FBXO25: variants seen among roughly 807,000 people sequenced by gnomAD.
The protein encoded by FBXO25 is F-box only protein 25.
In FBXO25, 45 loss-of-function variants were observed where a neutral mutation model predicts 51.9. The ratio of observed to expected loss-of-function variants is 0.87; its 90% CI spans 0.68 to 1.11. The LOEUF (loss-of-function observed/expected upper bound fraction) is 1.11. Among genes scored for constraint, FBXO25 ranks in the 50% most tolerant of loss-of-function variants. FBXO25 has a pLI of 0.00. For synonymous variants in FBXO25, 199 were observed against 151.0 expected, an observed-to-expected ratio of 1.32 and a Z score of -2.33; for missense variants, 507 against 428.5, an observed-to-expected ratio of 1.18 and a Z score of -1.62.
At chr8:465,489 T>C (rs1228671930) in intron 9 of FBXO25, among the ~76,000 whole-genome samples, 14 of 152,180 alleles carry the variant, frequency 9.2e-5, no homozygotes, top group African/African-American at 3.4e-4. Context: ...AGAACAATAT[T>C]TATCAATATT....
chr8:451,524 A>C, intron 7 of FBXO25, 71 bp downstream of exon 7: 1 of 1,348,878 alleles, frequency 7.4e-7, no homozygotes, highest in African/African-American at 1.5e-5. Context: ...TTCTAAGCAT[A>C]CATGAAAGAC....
intron 9 of FBXO25, among the ~76,000 whole-genome samples, chr8:465,111 G>A (rs1302623564): frequency 1.3e-5 from 2 of 152,172 alleles, no homozygotes; most frequent in East Asian, 1.9e-4. Flanking sequence ...ACAGGCAGAT[G>A]CTTGTGGACA....
At chr8:422,798 C>T (rs1797234343) in intron 2 of FBXO25, among the ~76,000 whole-genome samples, 1 of 152,130 alleles carries the variant, frequency 6.6e-6, no homozygotes, top group Non-Finnish European at 1.5e-5. Flanking sequence ...CCTCTTAGTT[C>T]CCAAGGAGAG....
intron 7 of FBXO25, 108 bp downstream of exon 7, chr8:451,561 A>T: frequency 9.4e-7 from 1 of 1,061,624 alleles, no homozygotes; most frequent in Non-Finnish European, 1.4e-6. Context: ...AAGATTTTCT[A>T]ATGCTTTCAT....
Position 469,147 on chromosome 8 carries a change from T to C in FBXO25, c.*343T>C, listed in dbSNP as rs997927858. ...TGACACTAACGGCCAATAATATGCT[T>C]CTTAATTATCAAATTATAGTTTCCC... On this transcript the variant is annotated 3_prime_UTR_variant, in exon 10 of 10. Coordinates refer to ENST00000350302, the MANE Select transcript of FBXO25 (RefSeq NM_183420.2). 1 of 210,304 alleles carries C rather than the reference T, an allele frequency of 4.8e-6. No homozygotes were observed. Among genetic ancestry groups the C allele is most frequent in the African/African-American group, 2.3e-5 (1 of 43,634 alleles). 13.0% of individuals were successfully genotyped at this position (210,304 alleles called of 1,614,324 possible). A position where few individuals can be genotyped will look rare whatever the true frequency, so the allele number is the denominator to read the frequency against.
intron 1 of FBXO25, among the ~76,000 whole-genome samples, chr8:412,527 T>C (rs1374435302): frequency 6.6e-6 from 1 of 152,202 alleles, no homozygotes; most frequent in African/African-American, 2.4e-5. Context: ...ACAAATCTGA[T>C]TGAATCACTT....
chr8:448,675 T>C (rs977343158), intron 5 of FBXO25, among the ~76,000 whole-genome samples: 1 of 151,978 alleles, frequency 6.6e-6, no homozygotes, highest in African/African-American at 2.4e-5. Context: ...AGAGTGTGAG[T>C]GGAGGGCAGA....
chr8:442,073 T>C lies in FBXO25; in HGVS notation c.381+6366T>C, dbSNP rs186504190. On this transcript the variant is annotated intron_variant, in intron 5 of 9. Transcript: ENST00000350302. ...GGGCTGTTTTTAAAATTTCAGATCA[T>C]ATTGCTAATCAGGCTTTTGTTTGCT... 8.4e-3 allele frequency among the ~76,000 whole-genome samples: 1,277 copies of C among 152,278 alleles called. 13 individuals are homozygous for C. Among genetic ancestry groups the C allele is most frequent in the African/African-American group, 0.029 (1,212 of 41,556 alleles).
intron 2 of FBXO25, among the ~76,000 whole-genome samples, chr8:414,778 A>C (rs1253551586): frequency 6.6e-6 from 1 of 152,192 alleles, no homozygotes; most frequent in Non-Finnish European, 1.5e-5. Context: ...TTATGACAGC[A>C]ACGCTGGGTA....
rs541166014 is a variant in FBXO25, at chr8:431,828, C to T, written c.238+384C>T. On this transcript the variant is annotated intron_variant, in intron 3 of 9. Coordinates refer to ENST00000350302, the MANE Select transcript of FBXO25 (RefSeq NM_183420.2). ...TGGAGTTTAGGATGTTAGATGGCAG[C>T]AGGGGAAGGCTGGAGGTGGGACCTA... Among the ~76,000 whole-genome samples, 6 of 152,166 alleles carry T rather than the reference C, an allele frequency of 3.9e-5. No homozygotes were observed. In the East Asian group the frequency reaches 1.2e-3, roughly 30 times the overall value.
chr8:467,613 C>G, intron 9 of FBXO25: 1 of 1,134,510 alleles, frequency 8.8e-7, no homozygotes, highest in Non-Finnish European at 1.3e-6. Flanking sequence ...TAATATGAAT[C>G]AAACCTGAAT....
At position 477,743 on chromosome 8, in the gene FBXO25, C is replaced by T. The variant is rs765792603; in HGVS notation, c.*8939C>T. 1.3e-5 allele frequency: 2 copies of T among 152,262 alleles called. No individual in the cohort carries two copies. The highest frequency in any genetic ancestry group is 2.9e-5 in the Non-Finnish European group (2 of 68,042). 9.4% of individuals were successfully genotyped at this position (152,262 alleles called of 1,614,324 possible). ...ACGCACCAGTGCATGTGGCTGTGTTCCAAACTTTTTGGACAATAAAATCTG... is the reference window on the plus strand; with the variant it reads ...ACGCACCAGTGCATGTGGCTGTGTTTCAAACTTTTTGGACAATAAAATCTG... On this transcript the variant is annotated 3_prime_UTR_variant, in exon 10 of 10. Coordinates refer to ENST00000350302, the MANE Select transcript of FBXO25 (RefSeq NM_183420.2).
At chr8:454,702 T>C (rs1799306097) in intron 7 of FBXO25, among the ~76,000 whole-genome samples, 2 of 151,942 alleles carry the variant, frequency 1.3e-5, no homozygotes, top group South Asian at 4.1e-4. Context: ...CCATGCTGGC[T>C]AACACGGTGA....
chr8:412,740 AAG>A (rs1796558661), intron 1 of FBXO25, among the ~76,000 whole-genome samples: 2 of 152,228 alleles, frequency 1.3e-5, no homozygotes, highest in African/African-American at 2.4e-5. Flanking sequence ...ACTTCTGGCA[AAG>A]AGAGAATACT....
At chr8:422,357 A>T (rs1239978399) in intron 2 of FBXO25, among the ~76,000 whole-genome samples, 1 of 152,234 alleles carries the variant, frequency 6.6e-6, no homozygotes, top group Non-Finnish European at 1.5e-5. Flanking sequence ...AATTTGACGG[A>T]CATTCTACAA....
chr8:439,512 CAATT>C (rs1460189671), intron 5 of FBXO25, among the ~76,000 whole-genome samples: 1 of 152,170 alleles, frequency 6.6e-6, no homozygotes, highest in African/African-American at 2.4e-5. Context: ...TGTGGTGGAC[CAATT>C]AGATAGCACA....
chr8:468,480 G>T (rs1279911024), intron 9 of FBXO25, among the ~76,000 whole-genome samples: 1 of 152,150 alleles, frequency 6.6e-6, no homozygotes, highest in Non-Finnish European at 1.5e-5. Flanking sequence ...CTGGAGGGCA[G>T]ACCTGGGGCC....
rs377382855 is a variant in FBXO25 at position 463,037 on chromosome 8, G to A, written c.874G>A (p.Gly292Ser). 2 of 1,612,892 alleles carry A rather than the reference G, an allele frequency of 1.2e-6. No homozygotes were observed. The change falls in exon 9 of 10, where the codon GGT becomes AGT. Residue 292 changes from glycine to serine, a missense_variant. Gly to Ser is a moderately conservative substitution (Grantham distance 56, BLOSUM62 0). Transcript: ENST00000350302. The part of the protein sequence containing the change: ...FCRHLILSEK[G>S]HIEWKLMYFA... ...TAGACATTTGATCCTTTCAGAAAAA[G>A]GTCATATTGAATGGAAGTTGATGTA...
chr8:441,438 A>G (rs550140544), intron 5 of FBXO25, among the ~76,000 whole-genome samples: 2 of 152,364 alleles, frequency 1.3e-5, no homozygotes, highest in East Asian at 1.9e-4. Context: ...AGGCAGTACC[A>G]TTCAGGACAT....
Sources: allele counts gnomAD v4.1 joint callset (sites outside exome capture counted in the v4.1 genomes callset), GRCh38; gene constraint gnomAD v4.1.1; transcripts MANE v1.5; gene names NCBI Gene and HGNC (gene_info 2026-07-23, HGNC 2026-07-21).